CDH13: variants seen among roughly 807,000 people sequenced by gnomAD.
CDH13 encodes cadherin-13.
Under a neutral mutation model 63.8 loss-of-function variants are expected in CDH13, and 24 were observed. The observed-to-expected ratio is 0.38, with a 90% CI of 0.27 to 0.53. The LOEUF (loss-of-function observed/expected upper bound fraction) is 0.53, where lower values mean the gene tolerates loss of function less well. CDH13 is among the 20% of genes least tolerant of loss of function. The pLI is 0.85. For synonymous variants in CDH13, 503 were observed against 355.3 expected, an observed-to-expected ratio of 1.42 and a Z score of -4.67; for missense variants, 1,049 against 903.1, an observed-to-expected ratio of 1.16 and a Z score of -2.07.
chr16:82,830,778 T>C (rs753817020), intron 1 of CDH13, among the ~76,000 whole-genome samples: 2 of 152,206 alleles, frequency 1.3e-5, no homozygotes, highest in Non-Finnish European at 2.9e-5. Flanking sequence ...GTAAAAATAG[T>C]CTTACATGCA....
intron 5 of CDH13, among the ~76,000 whole-genome samples, chr16:83,250,012 G>A (rs1039483823): frequency 2.6e-5 from 4 of 152,166 alleles, no homozygotes; most frequent in African/African-American, 7.2e-5. Context: ...ATTGCAATAG[G>A]AGTGTAATGA....
intron 3 of CDH13, among the ~76,000 whole-genome samples, chr16:83,105,639 A>G (rs1013878591): frequency 4.0e-5 from 6 of 151,402 alleles, no homozygotes; most frequent in African/African-American, 1.5e-4. Flanking sequence ...CATGAATTAA[A>G]TAGATACTAC....
chr16:83,088,307 C>G (rs2033715800), intron 3 of CDH13, among the ~76,000 whole-genome samples: 1 of 152,166 alleles, frequency 6.6e-6, no homozygotes, highest in South Asian at 2.1e-4. Flanking sequence ...AGGCTTATAA[C>G]TCACAGAGCT....
intron 8 of CDH13, among the ~76,000 whole-genome samples, chr16:83,618,538 C>A (rs1909506139): frequency 1.3e-5 from 2 of 152,056 alleles, no homozygotes; most frequent in South Asian, 4.1e-4. Context: ...CTCACTGTGG[C>A]ACAAAATGCT....
At chr16:83,665,729 G>T (rs1234881488) in intron 8 of CDH13, among the ~76,000 whole-genome samples, 5 of 152,172 alleles carry the variant, frequency 3.3e-5, no homozygotes, top group Non-Finnish European at 2.9e-5. Flanking sequence ...TTGCATATGT[G>T]CAGTCCTTTA....
At chr16:83,052,677 G>A (rs905566476) in intron 3 of CDH13, among the ~76,000 whole-genome samples, 3 of 150,890 alleles carry the variant, frequency 2.0e-5, no homozygotes, top group Non-Finnish European at 4.4e-5. Context: ...CTACTCGGGA[G>A]GCTGAGGCAG....
intron 8 of CDH13, among the ~76,000 whole-genome samples, chr16:83,649,836 G>C (rs1042453327): frequency 6.6e-6 from 1 of 152,178 alleles, no homozygotes; most frequent in Non-Finnish European, 1.5e-5. Flanking sequence ...GAAGCACCCA[G>C]CCACCTGAGG....
chr16:83,423,798 G>C (rs1168461387), intron 6 of CDH13, among the ~76,000 whole-genome samples: 1 of 152,214 alleles, frequency 6.6e-6, no homozygotes, highest in Non-Finnish European at 1.5e-5. Flanking sequence ...CCCTGTTCTG[G>C]TGGCCCTTGA....
chr16:83,671,475 C>T (rs1914494888), intron 9 of CDH13, among the ~76,000 whole-genome samples: 1 of 152,180 alleles, frequency 6.6e-6, no homozygotes, highest in South Asian at 2.1e-4. Context: ...TCTCAAACTC[C>T]TGGCCTCAAG....
intron 8 of CDH13, among the ~76,000 whole-genome samples, chr16:83,611,815 T>C (rs1047163642): frequency 6.6e-6 from 1 of 152,090 alleles, no homozygotes; most frequent in African/African-American, 2.4e-5. Flanking sequence ...ATGTGACATA[T>C]TTGGGAGTGT....
intron 5 of CDH13, among the ~76,000 whole-genome samples, chr16:83,289,386 C>G (rs1037743393): frequency 3.3e-5 from 5 of 152,160 alleles, no homozygotes; most frequent in Non-Finnish European, 5.9e-5. Flanking sequence ...GTGTACATCA[C>G]AATCATCTTG....
chr16:83,617,237 G>A (rs1909359139), intron 8 of CDH13, among the ~76,000 whole-genome samples: 1 of 152,152 alleles, frequency 6.6e-6, no homozygotes, highest in South Asian at 2.1e-4. Flanking sequence ...TATTCATGCA[G>A]CAAATACTTA....
rs2039596117 is a variant in CDH13, at chr16:82,854,093, A to C, written c.46-4269A>C. ...AGTTCAAGCATAGATACTGTTTTGA[A>C]TTCTCTTAAGAAATTAAAGGGCAAG... On this transcript the variant is annotated intron_variant, in intron 1 of 13. Transcript: ENST00000567109. Among the ~76,000 whole-genome samples the C allele has an allele frequency of 2.0e-5, 3 of 152,160 alleles. No homozygotes were observed. In the South Asian group the frequency reaches 6.2e-4, roughly 32 times the overall value.
chr16:83,592,716 A>G (rs918000953), intron 7 of CDH13, among the ~76,000 whole-genome samples: 1 of 152,168 alleles, frequency 6.6e-6, no homozygotes. Flanking sequence ...CAGCCAGTAA[A>G]TCTGGAGAAA....
intron 8 of CDH13, among the ~76,000 whole-genome samples, chr16:83,636,124 C>T (rs1212590112): frequency 1.3e-5 from 2 of 151,562 alleles, no homozygotes; most frequent in East Asian, 3.9e-4. Context: ...CATGTGGGTG[C>T]AGGTGTATTT....
At chr16:83,469,801 G>A (rs142275949) in intron 6 of CDH13, among the ~76,000 whole-genome samples, 2 of 152,218 alleles carry the variant, frequency 1.3e-5, no homozygotes, top group Non-Finnish European at 1.5e-5. Context: ...TCCTGCGGTG[G>A]GGGATGGGAC....
chr16:83,066,637 A>C lies in CDH13; in HGVS notation c.366+34419A>C, dbSNP rs35688074. Among the ~76,000 whole-genome samples, 148 of 152,314 alleles carry C rather than the reference A, an allele frequency of 9.7e-4. 1 individual carries two copies. The highest frequency in any genetic ancestry group is 3.3e-3 in the African/African-American group (138 of 41,560). On this transcript the variant is annotated intron_variant, in intron 3 of 13. Coordinates refer to ENST00000567109, the MANE Select transcript of CDH13 (RefSeq NM_001257.5). ...GCATTTTCTGTCTCTGTATAAAGCC[A>C]ATCTATTAATTTAAAGAACAGAATG... is the stretch of plus-strand genomic sequence containing the variant.
intron 6 of CDH13, among the ~76,000 whole-genome samples, chr16:83,355,643 C>T (rs1047783009): frequency 6.6e-6 from 1 of 152,070 alleles, no homozygotes; most frequent in Non-Finnish European, 1.5e-5. Context: ...GAGTACCTGC[C>T]GTATACCAGG....
chr16:82,981,492 C>G (rs931710415), intron 2 of CDH13, among the ~76,000 whole-genome samples: 1 of 152,114 alleles, frequency 6.6e-6, no homozygotes, highest in Admixed American at 6.5e-5. Context: ...CCTCTGCTCT[C>G]CTCCTGGGGT....
Sources: gnomAD v4.1 joint callset for allele counts (sites outside exome capture counted in the v4.1 genomes callset) on GRCh38, gnomAD v4.1.1 for gene constraint, MANE v1.5 for transcripts, NCBI Gene and HGNC (gene_info 2026-07-23, HGNC 2026-07-21) for gene names.